GPC6: variants seen among roughly 807,000 people sequenced by gnomAD.
GPC6 encodes glypican-6.
GPC6 carries 14 observed loss-of-function variants against 55.2 expected under a neutral mutation model. The ratio of observed to expected loss-of-function variants is 0.25; its 90% confidence interval spans 0.17 to 0.40. GPC6 has a LOEUF of 0.40. Among genes scored for constraint, GPC6 ranks in the 10% least tolerant of loss-of-function variants. The pLI, the probability that GPC6 is intolerant of heterozygous loss-of-function variation, is 1.00. For missense variants in GPC6, 641 were observed against 708.5 expected, an observed-to-expected ratio of 0.90 and a Z score of 1.08; for synonymous variants, 278 against 259.6, an observed-to-expected ratio of 1.07 and a Z score of -0.68.
intron 3 of GPC6, among the ~76,000 whole-genome samples, chr13:93,907,074 A>G (rs1199742437): frequency 6.6e-6 from 1 of 152,202 alleles, no homozygotes; most frequent in African/African-American, 2.4e-5. Flanking sequence ...AGTAAAAAGA[A>G]ATAATTCATT....
At chr13:93,552,166 TGC>T (rs1875194098) in intron 2 of GPC6, among the ~76,000 whole-genome samples, 1 of 152,178 alleles carries the variant, frequency 6.6e-6, no homozygotes, top group South Asian at 2.1e-4. Flanking sequence ...GAAATCAGAA[TGC>T]GCTGAACTGA....
At chr13:93,273,720 T>G (rs1411461007) in intron 1 of GPC6, among the ~76,000 whole-genome samples, 2 of 152,172 alleles carry the variant, frequency 1.3e-5, no homozygotes, top group Non-Finnish European at 2.9e-5. Flanking sequence ...CATAGAAATT[T>G]TAGGTATTTT....
intron 4 of GPC6, among the ~76,000 whole-genome samples, chr13:94,216,825 CTT>C (rs1177429220): frequency 6.6e-6 from 1 of 152,164 alleles, no homozygotes; most frequent in Admixed American, 6.6e-5. Context: ...TGTTTCAAGT[CTT>C]CTCTTTTGTT....
chr13:94,234,928 G>A (rs1890834992), intron 4 of GPC6, among the ~76,000 whole-genome samples: 1 of 152,130 alleles, frequency 6.6e-6, no homozygotes, highest in Non-Finnish European at 1.5e-5. Flanking sequence ...CATAGAGACA[G>A]TCAAATGGTA....
At chr13:93,873,266 A>G (rs1889186308) in intron 3 of GPC6, among the ~76,000 whole-genome samples, 1 of 152,012 alleles carries the variant, frequency 6.6e-6, no homozygotes, top group Non-Finnish European at 1.5e-5. Context: ...AATTTACAAA[A>G]TACTGACAGT....
At chr13:93,484,115 T>G (rs1024315386) in intron 1 of GPC6, among the ~76,000 whole-genome samples, 20 of 152,122 alleles carry the variant, frequency 1.3e-4, no homozygotes, top group Admixed American at 1.2e-3. Context: ...GTGGTGCTTA[T>G]GGATCCAGGG....
chr13:93,242,746 G>A (rs1594048468), intron 1 of GPC6, among the ~76,000 whole-genome samples: 1 of 152,150 alleles, frequency 6.6e-6, no homozygotes, highest in Non-Finnish European at 1.5e-5. Flanking sequence ...CCTGCACTCT[G>A]TTTCTTTTGT....
chr13:93,798,756 T>C (rs2138933737), intron 2 of GPC6, among the ~76,000 whole-genome samples: 1 of 151,814 alleles, frequency 6.6e-6, no homozygotes, highest in South Asian at 2.1e-4. Flanking sequence ...CCATCTCTAC[T>C]AAAAATACAA....
At chr13:93,617,419 G>A (rs910677362) in intron 2 of GPC6, among the ~76,000 whole-genome samples, 6 of 151,966 alleles carry the variant, frequency 3.9e-5, no homozygotes, top group Admixed American at 6.6e-5. Flanking sequence ...CAACAAATAC[G>A]TGTTGAAAGC....
chr13:94,303,970 T>G (rs1462742548), intron 5 of GPC6, among the ~76,000 whole-genome samples: 3 of 152,108 alleles, frequency 2.0e-5, no homozygotes, highest in Non-Finnish European at 4.4e-5. Flanking sequence ...GCAAGGCCGT[T>G]AGTATTGTTT....
chr13:93,433,492 TAACCAA>T (rs1223778778), intron 1 of GPC6, among the ~76,000 whole-genome samples: 2 of 152,204 alleles, frequency 1.3e-5, no homozygotes, highest in Non-Finnish European at 2.9e-5. Flanking sequence ...TTTTGAAAGT[TAACCAA>T]TTTACCTGTC....
chr13:94,164,300 T>G (rs1888272085), intron 4 of GPC6, among the ~76,000 whole-genome samples: 1 of 152,218 alleles, frequency 6.6e-6, no homozygotes, highest in Non-Finnish European at 1.5e-5. Flanking sequence ...GCACATTACT[T>G]CCAGACTCAT....
intron 2 of GPC6, among the ~76,000 whole-genome samples, chr13:93,825,352 A>T (rs1044822257): frequency 3.9e-5 from 6 of 152,230 alleles, no homozygotes; most frequent in African/African-American, 1.2e-4. Context: ...AAATGAGCAC[A>T]GTGCTGAAGT....
intron 6 of GPC6, among the ~76,000 whole-genome samples, chr13:94,316,571 G>A (rs1304727768): frequency 6.6e-6 from 1 of 151,764 alleles, no homozygotes; most frequent in African/African-American, 2.4e-5. Flanking sequence ...CAAAAAATTA[G>A]CCGGGCGTAG....
intron 1 of GPC6, among the ~76,000 whole-genome samples, chr13:93,308,245 A>G (rs1878945581): frequency 6.6e-6 from 1 of 152,156 alleles, no homozygotes; most frequent in Admixed American, 6.5e-5. Context: ...AGATTGCGCT[A>G]CTGCACTCCA....
At chr13:94,381,606 A>G (rs994651603) in intron 6 of GPC6, among the ~76,000 whole-genome samples, 4 of 152,224 alleles carry the variant, frequency 2.6e-5, no homozygotes, top group Admixed American at 2.0e-4. Context: ...AAGGGTTAGG[A>G]ATTTAACACG....
intron 2 of GPC6, among the ~76,000 whole-genome samples, chr13:93,781,225 G>C (rs546707208): frequency 6.6e-6 from 1 of 150,630 alleles, no homozygotes; most frequent in Non-Finnish European, 1.5e-5. Flanking sequence ...GCAGTAAGCC[G>C]AGATCGCGCC....
intron 1 of GPC6, among the ~76,000 whole-genome samples, chr13:93,433,982 T>C (rs142080666): frequency 6.6e-6 from 1 of 152,310 alleles, no homozygotes; most frequent in Non-Finnish European, 1.5e-5. Flanking sequence ...CTTGGGCTAG[T>C]TCCTTTGCCT....
At chr13:94,381,323 G>A (rs1212118487) in intron 6 of GPC6, among the ~76,000 whole-genome samples, 4 of 152,142 alleles carry the variant, frequency 2.6e-5, no homozygotes, top group Non-Finnish European at 5.9e-5. Context: ...TTCTGGGGCT[G>A]GAAGTCTGAA....
Sources: gnomAD v4.1 joint callset for allele counts (sites outside exome capture counted in the v4.1 genomes callset) on GRCh38, gnomAD v4.1.1 for gene constraint, MANE v1.5 for transcripts, NCBI Gene and HGNC (gene_info 2026-07-23, HGNC 2026-07-21) for gene names.